SEMA4D: variants seen among roughly 807,000 people sequenced by gnomAD.
The protein encoded by SEMA4D is semaphorin 4D.
In SEMA4D, 22 loss-of-function variants were observed where a neutral mutation model predicts 74.8. That is an observed-to-expected ratio of 0.29 (90% CI 0.21 to 0.42). The LOEUF (loss-of-function observed/expected upper bound fraction) is 0.42, where lower values mean the gene tolerates loss of function less well. SEMA4D is among the 10% of genes least tolerant of loss of function. The pLI, the probability that SEMA4D is intolerant of heterozygous loss-of-function variation, is 1.00. For synonymous variants in SEMA4D, 445 were observed against 463.7 expected, an observed-to-expected ratio of 0.96 and a Z score of 0.52; for missense variants, 937 against 1,118.4, an observed-to-expected ratio of 0.84 and a Z score of 2.31.
intron 6 of SEMA4D, among the ~76,000 whole-genome samples, chr9:89,396,071 G>A (rs1041037076): frequency 8.5e-5 from 13 of 152,154 alleles, no homozygotes; most frequent in African/African-American, 1.9e-4. Flanking sequence ...GGGAGGTGCC[G>A]GATACCAGGC....
chr9:89,381,389 G>A lies in SEMA4D; in HGVS notation c.1447-43C>T. The A allele has an allele frequency of 1.4e-6, 2 of 1,439,668 alleles. No homozygotes were observed. Among genetic ancestry groups the A allele is most frequent in the East Asian group, 2.5e-5 (1 of 39,922 alleles). The allele number at this position is 1,439,668 out of a possible 1,614,324, so 89.2% of individuals were successfully genotyped here. On this transcript the variant is annotated intron_variant, in intron 13 of 15. Coordinates refer to ENST00000422704, the MANE Select transcript of SEMA4D (RefSeq NM_001371194.2). The surrounding 1 kb of genome is among the most constrained non-coding windows in gnomAD (Gnocchi z 4.6). ...AGAAGAACTAGCATCAGGCAAGCAG[G>A]CATCCAGGAGCATGGCCTCTGCTTC...
chr9:89,446,858 G>A (rs147733486), intron 2 of SEMA4D, among the ~76,000 whole-genome samples: 1 of 152,264 alleles, frequency 6.6e-6, no homozygotes, highest in Non-Finnish European at 1.5e-5. Flanking sequence ...CGGGCTCCCT[G>A]CCCACACTGT....
intron 18 of SEMA4D, among the ~76,000 whole-genome samples, chr9:89,362,960 T>A (rs1459125038): frequency 2.6e-5 from 4 of 152,186 alleles, no homozygotes; most frequent in African/African-American, 9.7e-5. Context: ...TTCCATGCTG[T>A]AGCCCAGTTC....
chr9:89,402,220 A>G (rs1176818228), intron 4 of SEMA4D, among the ~76,000 whole-genome samples: 1 of 152,240 alleles, frequency 6.6e-6, no homozygotes, highest in Non-Finnish European at 1.5e-5. Context: ...CCGAGGAATC[A>G]GGAGCAATGT....
intron 2 of SEMA4D, among the ~76,000 whole-genome samples, chr9:89,417,344 A>T (rs1845932790): frequency 6.6e-6 from 1 of 152,246 alleles, no homozygotes; most frequent in South Asian, 2.1e-4. Flanking sequence ...CCTGGCAGTG[A>T]TGCTGTGCTA....
chr9:89,376,783 G>A (rs1338129310), downstream of SEMA4D: 1 of 1,517,890 alleles, frequency 6.6e-7, no homozygotes, highest in Non-Finnish European at 8.9e-7. Context: ...CCCCACCTGT[G>A]GGAGGAGACA....
At chr9:89,437,541 G>A (rs1564785287) in intron 2 of SEMA4D, among the ~76,000 whole-genome samples, 1 of 152,174 alleles carries the variant, frequency 6.6e-6, no homozygotes, top group Non-Finnish European at 1.5e-5. Context: ...CACTCCCACT[G>A]CTGCGGTGCG....
intron 2 of SEMA4D, among the ~76,000 whole-genome samples, chr9:89,446,828 C>T (rs981118217): frequency 3.3e-5 from 5 of 152,186 alleles, no homozygotes; most frequent in African/African-American, 7.2e-5. Context: ...CCCCACACCA[C>T]GCTGCACCCA....
chr9:89,375,178 CGAG>C (rs1166406785), downstream of SEMA4D, among the ~76,000 whole-genome samples: 5 of 152,230 alleles, frequency 3.3e-5, no homozygotes, highest in African/African-American at 7.2e-5. Context: ...GCCTCCCCAC[CGAG>C]GAGGAGCTTC....
chr9:89,458,560 ACACC>A (rs909966756), intron 1 of SEMA4D, among the ~76,000 whole-genome samples: 2 of 152,000 alleles, frequency 1.3e-5, no homozygotes, highest in African/African-American at 4.8e-5. Context: ...AAGCAGACAC[ACACC>A]CACCCACACT....
intron 13 of SEMA4D, among the ~76,000 whole-genome samples, chr9:89,382,257 C>T (rs1209949616): frequency 6.6e-6 from 1 of 152,236 alleles, no homozygotes. Context: ...GGAGGTGGCC[C>T]GTGGAGCGCG....
chr9:89,459,016 C>T (rs541542296), intron 1 of SEMA4D, among the ~76,000 whole-genome samples: 1 of 152,214 alleles, frequency 6.6e-6, no homozygotes, highest in Non-Finnish European at 1.5e-5. Flanking sequence ...GGTCCTTATC[C>T]TCTCCCCAAG....
chr9:89,397,712 T>C (rs1054653851), intron 5 of SEMA4D, among the ~76,000 whole-genome samples: 2 of 152,230 alleles, frequency 1.3e-5, no homozygotes, highest in Non-Finnish European at 1.5e-5. Flanking sequence ...CATTTCCTAA[T>C]CTAACTTTGG....
intron 2 of SEMA4D, among the ~76,000 whole-genome samples, chr9:89,422,560 C>T (rs920119311): frequency 4.6e-5 from 7 of 152,232 alleles, no homozygotes; most frequent in Non-Finnish European, 8.8e-5. Flanking sequence ...GTCCCTGCCC[C>T]GAGCACCATG....
chr9:89,407,808 A>G (rs1433418647), intron 2 of SEMA4D, among the ~76,000 whole-genome samples: 1 of 152,224 alleles, frequency 6.6e-6, no homozygotes, highest in African/African-American at 2.4e-5. Flanking sequence ...ATGGCTGTGT[A>G]ACGGCTGTCT....
intron 1 of SEMA4D, among the ~76,000 whole-genome samples, chr9:89,459,727 C>A (rs1031648415): frequency 6.6e-6 from 1 of 152,174 alleles, no homozygotes; most frequent in African/African-American, 2.4e-5. Context: ...CCTGTCTCCA[C>A]CTGGCTCAAA....
At chr9:89,386,339 C>T (rs780441079) in intron 13 of SEMA4D, 28 bp downstream of exon 13, 1 of 1,547,298 alleles carries the variant, frequency 6.5e-7, no homozygotes, top group South Asian at 1.1e-5. Flanking sequence ...CGGAGAAGCC[C>T]CCGGTCCAGC....
At chr9:89,426,376 T>G (rs927799839) in intron 2 of SEMA4D, among the ~76,000 whole-genome samples, 1 of 152,194 alleles carries the variant, frequency 6.6e-6, no homozygotes, top group Non-Finnish European at 1.5e-5. Context: ...TAGACCACCA[T>G]GACCACAGCT....
intron 2 of SEMA4D, among the ~76,000 whole-genome samples, chr9:89,428,925 C>T (rs927124692): frequency 7.2e-5 from 11 of 152,236 alleles, no homozygotes; most frequent in African/African-American, 2.7e-4. Flanking sequence ...CTGGACCCTG[C>T]CAACCACACC....
Sources: gnomAD v4.1 joint callset for allele counts (sites outside exome capture counted in the v4.1 genomes callset) on GRCh38, gnomAD v4.1.1 for gene constraint, Gnocchi (gnomAD v3.1) non-coding constraint, MANE v1.5 for transcripts, NCBI Gene and HGNC (gene_info 2026-07-23, HGNC 2026-07-21) for gene names.